Variants in USP6 observed in about 807,000 individuals in gnomAD.
USP6 encodes the protein ubiquitin specific peptidase 6.
Under a neutral mutation model 175.7 loss-of-function variants are expected in USP6, and 128 were observed. The observed-to-expected ratio is 0.73, with a 90% confidence interval of 0.63 to 0.84. The LOEUF (loss-of-function observed/expected upper bound fraction) is 0.84. Ranked by LOEUF, USP6 falls within the 40% of genes least tolerant of loss-of-function variation. The probability of loss-of-function intolerance (pLI) is 0.00; values close to 1 mark genes in which losing one functional copy is unlikely to be tolerated. For missense variants in USP6, 1,498 were observed against 1,760.3 expected (o/e 0.85, Z 2.67); for synonymous variants, 562 against 630.6 (o/e 0.89, Z 1.63).
At chr17:5,116,795 A>T (rs1333715169) in intron 1 of USP6, 55 bp downstream of exon 1, 1 of 152,264 alleles carries the variant, frequency 6.6e-6, no homozygotes, top group African/African-American at 2.4e-5. Flanking sequence ...TGTATAAAAC[A>T]GGGTTAACAG....
At chr17:5,123,645 G>T (rs2072783752) in intron 4 of USP6, among the ~76,000 whole-genome samples, 1 of 152,268 alleles carries the variant, frequency 6.6e-6, no homozygotes, top group South Asian at 2.1e-4. Context: ...GCAGGACAGG[G>T]ACCCGCAGAA....
At chr17:5,170,375 C>T (rs990551642) in intron 35 of USP6, 104 bp from the exon 36 acceptor site, 3 of 1,497,550 alleles carry the variant, frequency 2.0e-6, no homozygotes, top group East Asian at 4.5e-5. Context: ...CCTGTCTTTA[C>T]CTTTGTGTGT....
rs1598104014 is a variant in USP6 at position 5,169,032 on chromosome 17, C to A, written c.3494C>A (p.Ala1165Asp). 6.2e-7 allele frequency: 1 copy of A among 1,610,738 alleles called. No individual in the cohort carries two copies. Among genetic ancestry groups the A allele is most frequent in the East Asian group, 2.2e-5 (1 of 44,834 alleles). ...LLSKSPSSLS[A>D]NISSSPKGSP... is the part of the protein sequence containing the mutation. The stretch of plus-strand genomic sequence containing the variant: ...AGCAAAAGCCCATCCTCACTCAGCG[C>A]TAACATCAGCAGCAGCCCAAAAGGT... The change falls in exon 35 of 38, where the codon GCT becomes GAT. Residue 1165 changes from alanine (A) to aspartate (D), a missense_variant. Coordinates refer to ENST00000574788, the MANE Select transcript of USP6 (RefSeq NM_001304284.2).
intron 2 of USP6, among the ~76,000 whole-genome samples, chr17:5,120,280 G>A (rs1254908472): frequency 1.3e-5 from 2 of 152,098 alleles, no homozygotes; most frequent in South Asian, 2.1e-4. Context: ...GTGGGGGCAA[G>A]GCAGTGGTGG....
At chr17:5,160,080 A>C (rs905526301) in intron 31 of USP6, among the ~76,000 whole-genome samples, 3 of 152,174 alleles carry the variant, frequency 2.0e-5, no homozygotes, top group Non-Finnish European at 4.4e-5. Context: ...GAAGTGTTGC[A>C]CAGCTTTCTA....
At chr17:5,154,840 C>T (rs745358854) in intron 30 of USP6, among the ~76,000 whole-genome samples, 1 of 152,076 alleles carries the variant, frequency 6.6e-6, no homozygotes, top group African/African-American at 2.4e-5. Context: ...CTCAAGCAAT[C>T]CTCCCACCTC....
intron 25 of USP6, among the ~76,000 whole-genome samples, chr17:5,143,276 G>A (rs2073505598): frequency 1.3e-5 from 2 of 152,172 alleles, no homozygotes; most frequent in Non-Finnish European, 2.9e-5. Context: ...CATTGAGAAC[G>A]GGCCATGACG....
At chr17:5,128,363 TAG>T (rs1202004533) in intron 7 of USP6, 4 of 152,252 alleles carry the variant, frequency 2.6e-5, no homozygotes, top group African/African-American at 9.6e-5. Flanking sequence ...GTGATACCAT[TAG>T]AGACACTAAA....
chr17:5,117,318 C>A (rs112362507), intron 1 of USP6, among the ~76,000 whole-genome samples: 16,862 of 151,998 alleles, frequency 0.11, 1,056 homozygotes, highest in Middle Eastern at 0.12. Context: ...GAGTTTGAGA[C>A]CAGCCTGACC....
rs201003000 is a variant in USP6, at chr17:5,130,385, T to C, written c.18T>C (p.Asn6=). The change falls in exon 10 of 38, where the codon AAT becomes AAC. Residue 6 remains asparagine (N), a synonymous_variant. Coordinates refer to ENST00000574788, the MANE Select transcript of USP6 (RefSeq NM_001304284.2). ...CTCACAGGATGGACATGGTAGAGAA[T>C]GCAGATAGTTTGCAGGCACAGGAGC... The part of the protein sequence containing the change: MDMVE[N]ADSLQAQERK... 6.2e-7 allele frequency: 1 copy of C among 1,614,046 alleles called. No homozygotes were observed. Among genetic ancestry groups the C allele is most frequent in the Non-Finnish European group, 8.5e-7 (1 of 1,180,006 alleles).
chr17:5,141,179 C>T (rs2073434616), intron 22 of USP6, among the ~76,000 whole-genome samples: 1 of 152,076 alleles, frequency 6.6e-6, no homozygotes, highest in Admixed American at 6.6e-5. Context: ...GGAGCAACAG[C>T]CTATACCATA....
At chr17:5,128,637 A>G (rs1364748051) in intron 7 of USP6, 1 of 152,516 alleles carries the variant, frequency 6.6e-6, no homozygotes, top group African/African-American at 2.4e-5. Context: ...GTTTATCCAC[A>G]TACACATGTG....
intron 26 of USP6, 131 bp from the exon 27 acceptor site, chr17:5,145,274 A>G (rs2073574096): frequency 2.6e-6 from 3 of 1,161,774 alleles, no homozygotes; most frequent in African/African-American, 1.6e-5. Context: ...TTAATATTTT[A>G]TGTTAAATGA....
At position 5,170,630 on chromosome 17, in the gene USP6, G is replaced by C. The variant is rs907735666; in HGVS notation, c.3669G>C (p.Lys1223Asn). ...GSKNKPSSSKKNLDASKENGA... is the reference protein window; with the variant it reads ...GSKNKPSSSKNNLDASKENGA... ...AAAATAAGCCGTCAAGTAGTAAGAA[G>C]AACTTGGATGCCAGCAAAGAGAATG... The change falls in exon 36 of 38, where the codon AAG (lysine) becomes AAC (asparagine). Residue 1223 changes from lysine to asparagine, a missense_variant. Around this residue, in one of 2 missense-constraint regions of USP6, gnomAD observed 1,217 missense variants for 1,500.8 expected, o/e 0.81. Coordinates refer to ENST00000574788, the MANE Select transcript of USP6 (RefSeq NM_001304284.2). 1 of 1,613,780 alleles carries C rather than the reference G, an allele frequency of 6.2e-7. No individual in the cohort carries two copies. Among genetic ancestry groups the C allele is most frequent in the South Asian group, 1.1e-5 (1 of 91,060 alleles).
Position 5,144,864 on chromosome 17 carries a change from G to T in USP6, c.1992+1G>T. On this transcript the variant is annotated splice_donor_variant, in intron 26 of 37. Coordinates refer to ENST00000574788, the MANE Select transcript of USP6 (RefSeq NM_001304284.2). LOFTEE classifies it high-confidence loss of function. The stretch of plus-strand genomic sequence containing the variant: ...ACCAGACTGGGAAGTAGCTGCAGAG[G>T]TTTGTCAGTTTTGAGTTTCTAATGT... The T allele has an allele frequency of 1.3e-6, 2 of 1,589,112 alleles. No homozygotes were observed. The highest frequency in any genetic ancestry group is 1.7e-6 in the Non-Finnish European group (2 of 1,162,740).
At position 5,174,387 on chromosome 17, in the gene USP6, T is replaced by G. The variant is rs2074283951; in HGVS notation, c.*1409T>G. The G allele has an allele frequency of 5.2e-6, 1 of 190,968 alleles. No individual in the cohort carries two copies. Among genetic ancestry groups the G allele is most frequent in the East Asian group, 8.3e-5 (1 of 12,042 alleles). The allele number at this position is 190,968 out of a possible 1,614,324, so 11.8% of individuals were successfully genotyped here. ...TCCTCATAGGTAGTAATTACCAATGTAACTAAGCATTTGTGTTCTGATATC... is the reference window on the plus strand; with the variant it reads ...TCCTCATAGGTAGTAATTACCAATGGAACTAAGCATTTGTGTTCTGATATC... On this transcript the variant is annotated 3_prime_UTR_variant, in exon 38 of 38. Coordinates refer to ENST00000574788, the MANE Select transcript of USP6 (RefSeq NM_001304284.2).
At chr17:5,150,647 A>G (rs2073745178) in intron 30 of USP6, among the ~76,000 whole-genome samples, 1 of 151,964 alleles carries the variant, frequency 6.6e-6, no homozygotes, top group Admixed American at 6.5e-5. Context: ...GGCACACGCC[A>G]CCATGCCTGG....
Position 5,133,508 on chromosome 17 carries a change from G to C in USP6, c.342G>C (p.Leu114=). 1 of 1,611,636 alleles carries C rather than the reference G, an allele frequency of 6.2e-7. No homozygotes were observed. Among genetic ancestry groups the C allele is most frequent in the South Asian group, 1.1e-5 (1 of 90,974 alleles). The change falls in exon 14 of 38, where the codon CTG becomes CTC. Residue 114 remains leucine (L), a synonymous_variant. Coordinates refer to ENST00000574788, the MANE Select transcript of USP6 (RefSeq NM_001304284.2). ...GGGGCCCGGTGTGGTCAGTCCTCCT[G>C]AACATTCAGGAAATCAAGTTGAAAA... ...NIRGPVWSVL[L]NIQEIKLKNP...
At chr17:5,137,802 G>C (rs192640846) in intron 20 of USP6, 52 bp downstream of exon 20, 16 of 1,599,818 alleles carry the variant, frequency 1.0e-5, no homozygotes, top group Non-Finnish European at 1.4e-5. Context: ...GTCAGACCCC[G>C]ACTGGCCCAA....
Sources: gnomAD v4.1 joint callset for allele counts (sites outside exome capture counted in the v4.1 genomes callset) on GRCh38, gnomAD v4.1.1 for gene constraint, gnomAD v4.1.1 regional missense constraint, MANE v1.5 for transcripts, NCBI Gene and HGNC (gene_info 2026-07-23, HGNC 2026-07-21) for gene names.